RAB3GAP1: variants seen among roughly 807,000 people sequenced by gnomAD.
The protein encoded by RAB3GAP1 is rab3 GTPase-activating protein catalytic subunit.
RAB3GAP1 carries 86 observed loss-of-function variants against 130.7 expected under a neutral mutation model. That is an observed-to-expected ratio of 0.66 (90% CI 0.55 to 0.79). The LOEUF (loss-of-function observed/expected upper bound fraction) is 0.79, where lower values mean the gene tolerates loss of function less well. RAB3GAP1 is among the 30% of genes least tolerant of loss of function. RAB3GAP1 has a pLI of 0.00. For missense variants in RAB3GAP1, 1,029 were observed against 1,169.4 expected (o/e 0.88, Z 1.75); for synonymous variants, 367 against 401.7 (o/e 0.91, Z 1.03).
At chr2:135,060,829 C>T (rs1325349360) in intron 3 of RAB3GAP1, among the ~76,000 whole-genome samples, 1 of 151,970 alleles carries the variant, frequency 6.6e-6, no homozygotes, top group Non-Finnish European at 1.5e-5. Context: ...CCTTAGCCTC[C>T]CAAGAAGCTG....
chr2:135,124,922 G>A (rs62170245), intron 9 of RAB3GAP1, among the ~76,000 whole-genome samples: 6,344 of 152,064 alleles, frequency 0.042, 154 homozygotes, highest in African/African-American at 0.055. Context: ...TATAGAAAAT[G>A]TTTGCCAACT....
chr2:135,060,160 A>G (rs1689125739), intron 3 of RAB3GAP1, among the ~76,000 whole-genome samples: 1 of 149,918 alleles, frequency 6.7e-6, no homozygotes, highest in Admixed American at 6.6e-5. Context: ...TTTGAGTGGT[A>G]CCTCTGTTTA....
At chr2:135,164,150 A>G (rs1318586534) in intron 22 of RAB3GAP1, among the ~76,000 whole-genome samples, 1 of 152,258 alleles carries the variant, frequency 6.6e-6, no homozygotes, top group Non-Finnish European at 1.5e-5. Context: ...CAACACAAGT[A>G]TTTTAAGCAT....
At chr2:135,112,950 T>A (rs1690856829) in intron 5 of RAB3GAP1, among the ~76,000 whole-genome samples, 1 of 152,090 alleles carries the variant, frequency 6.6e-6, no homozygotes, top group Admixed American at 6.5e-5. Context: ...TTGTAAAGAA[T>A]AGAGGGGAAC....
chr2:135,156,486 TATG>T (rs1193762114), intron 19 of RAB3GAP1, among the ~76,000 whole-genome samples: 3 of 152,160 alleles, frequency 2.0e-5, no homozygotes, highest in African/African-American at 7.2e-5. Context: ...GTTGATCAAA[TATG>T]AGGATGATTA....
rs1356538086 is a variant in RAB3GAP1 at position 135,157,230 on chromosome 2, G to A, written c.2289+3354G>A. 4.6e-5 allele frequency among the ~76,000 whole-genome samples: 7 copies of A among 152,126 alleles called. 1 individual carries two copies. In the East Asian group the frequency reaches 7.7e-4, roughly 17 times the overall value. On this transcript the variant is annotated intron_variant, in intron 19 of 23. Transcript: ENST00000264158. ...GATTAGATCTCACTGTGTTGCTCAG[G>A]CTGATCTCAAACTCCTGGCCTGAAG...
At chr2:135,079,508 G>GTC (rs995854225) in intron 3 of RAB3GAP1, among the ~76,000 whole-genome samples, 3 of 152,268 alleles carry the variant, frequency 2.0e-5, no homozygotes, top group Admixed American at 2.0e-4. Context: ...CCATGGTCAG[G>GTC]TCTCTAATTT....
chr2:135,065,336 G>C (rs1689288643), intron 3 of RAB3GAP1, among the ~76,000 whole-genome samples: 1 of 152,196 alleles, frequency 6.6e-6, no homozygotes, highest in Admixed American at 6.5e-5. Context: ...CAGGGTCCCT[G>C]CCTTTTCCAG....
chr2:135,102,319 G>A (rs1022527478), intron 5 of RAB3GAP1, among the ~76,000 whole-genome samples: 6 of 152,194 alleles, frequency 3.9e-5, no homozygotes, highest in African/African-American at 9.7e-5. Context: ...TGGGTTCTGC[G>A]CTAGAGCATC....
intron 5 of RAB3GAP1, among the ~76,000 whole-genome samples, chr2:135,112,276 C>T (rs1413315388): frequency 6.6e-6 from 1 of 152,186 alleles, no homozygotes. Context: ...GACGGTAAAC[C>T]GCAACACCGT....
chr2:135,166,383 C>T (rs559240336), intron 23 of RAB3GAP1, among the ~76,000 whole-genome samples: 49 of 152,140 alleles, frequency 3.2e-4, no homozygotes, highest in Non-Finnish European at 3.1e-4. Context: ...GGGTCTCACT[C>T]TGTGGTCCAG....
At chr2:135,127,829 A>T (rs1368465190) in intron 11 of RAB3GAP1, among the ~76,000 whole-genome samples, 2 of 152,148 alleles carry the variant, frequency 1.3e-5, no homozygotes, top group Non-Finnish European at 2.9e-5. Flanking sequence ...TATTCAGATA[A>T]TATTATTGTG....
At chr2:135,076,047 A>G (rs1257886674) in intron 3 of RAB3GAP1, among the ~76,000 whole-genome samples, 2 of 151,056 alleles carry the variant, frequency 1.3e-5, no homozygotes, top group Non-Finnish European at 2.9e-5. Flanking sequence ...AGTAGCTGGG[A>G]TTACAGGCGT....
chr2:135,109,682 C>T (rs572260270), intron 5 of RAB3GAP1, among the ~76,000 whole-genome samples: 6 of 151,624 alleles, frequency 4.0e-5, no homozygotes, highest in South Asian at 2.1e-4. Context: ...CCTGGGTTCA[C>T]GCCATTCTCC....
At chr2:135,103,927 G>A in intron 5 of RAB3GAP1, among the ~76,000 whole-genome samples, 1 of 152,110 alleles carries the variant, frequency 6.6e-6, no homozygotes, top group Middle Eastern at 3.4e-3. Context: ...CTACACATCC[G>A]TAGATGACAG....
intron 3 of RAB3GAP1, among the ~76,000 whole-genome samples, chr2:135,089,274 T>A (rs1246330996): frequency 6.6e-6 from 1 of 152,122 alleles, no homozygotes; most frequent in East Asian, 1.9e-4. Context: ...ACAAGTACCA[T>A]GCTGTTTTGG....
intron 2 of RAB3GAP1, among the ~76,000 whole-genome samples, chr2:135,053,789 T>C (rs894685424): frequency 1.3e-5 from 2 of 152,186 alleles, no homozygotes; most frequent in Non-Finnish European, 2.9e-5. Flanking sequence ...ATAGTTAAAA[T>C]GTAAGCCAGT....
chr2:135,153,011 T>G (rs1211631885), intron 18 of RAB3GAP1: 1 of 152,932 alleles, frequency 6.5e-6, no homozygotes, highest in Non-Finnish European at 1.5e-5. Context: ...AACAGTAGTT[T>G]GAATTCCAAC....
intron 5 of RAB3GAP1, among the ~76,000 whole-genome samples, chr2:135,100,502 A>T (rs1032651543): frequency 1.3e-5 from 2 of 152,120 alleles, no homozygotes; most frequent in African/African-American, 4.8e-5. Flanking sequence ...CAGCATTGTC[A>T]TATTTGATCA....
Sources: gnomAD v4.1 joint callset for allele counts (sites outside exome capture counted in the v4.1 genomes callset) on GRCh38, gnomAD v4.1.1 for gene constraint, MANE v1.5 for transcripts, NCBI Gene and HGNC (gene_info 2026-07-23, HGNC 2026-07-21) for gene names.